TENM4: variants seen among roughly 807,000 people sequenced by gnomAD.
TENM4 encodes teneurin-4.
A neutral mutation model predicts 243.3 loss-of-function variants in TENM4; 82 were observed. The observed-to-expected ratio is 0.34, with a 90% CI of 0.28 to 0.40. The LOEUF (loss-of-function observed/expected upper bound fraction) is 0.40, where lower values mean the gene tolerates loss of function less well. TENM4 is among the 10% of genes least tolerant of loss of function. The pLI is 1.00. For missense variants in TENM4, 3,138 were observed against 3,673.3 expected (o/e 0.85, Z 3.77); for synonymous variants, 1,412 against 1,456.3 (o/e 0.97, Z 0.69).
chr11:79,307,406 G>A (rs7936476), intron 1 of TENM4, among the ~76,000 whole-genome samples: 27 of 152,102 alleles, frequency 1.8e-4, no homozygotes, highest in Admixed American at 9.2e-4. Flanking sequence ...TCCTGACACC[G>A]CTCTCTCCTG....
At chr11:79,015,477 A>AGTGT (rs113872101) in intron 6 of TENM4, among the ~76,000 whole-genome samples, 2,543 of 147,168 alleles carry the variant, frequency 0.017, 23 homozygotes, top group Middle Eastern at 0.06. Context: ...AAAGTCATTT[A>AGTGT]GTGTGTGTGT....
intron 4 of TENM4, among the ~76,000 whole-genome samples, chr11:79,100,931 C>T (rs1861215177): frequency 6.6e-6 from 1 of 152,184 alleles, no homozygotes; most frequent in Non-Finnish European, 1.5e-5. Context: ...GAAAAGGTCA[C>T]ACCAGACTGG....
intron 26 of TENM4, among the ~76,000 whole-genome samples, chr11:78,711,284 GT>G (rs895420239): frequency 2.6e-5 from 4 of 152,038 alleles, no homozygotes; most frequent in Non-Finnish European, 4.4e-5. Context: ...AGGAATCATC[GT>G]TTATGGGATG....
intron 3 of TENM4, among the ~76,000 whole-genome samples, chr11:79,188,960 T>A (rs781729653): frequency 7.9e-5 from 12 of 152,160 alleles, no homozygotes; most frequent in Non-Finnish European, 1.6e-4. Context: ...GAATTCCTAG[T>A]CCTCATGGAA....
chr11:79,272,171 A>G (rs926393653), intron 2 of TENM4, among the ~76,000 whole-genome samples: 2 of 151,872 alleles, frequency 1.3e-5, no homozygotes, highest in Non-Finnish European at 2.9e-5. Flanking sequence ...CCTGGATTCC[A>G]CTCTAGCATT....
intron 6 of TENM4, among the ~76,000 whole-genome samples, chr11:79,028,752 A>AATAGC: frequency 6.6e-6 from 1 of 152,216 alleles, no homozygotes; most frequent in Non-Finnish European, 1.5e-5. Flanking sequence ...TATAATCCTG[A>AATAGC]ATAGCAGAAG....
intron 6 of TENM4, among the ~76,000 whole-genome samples, chr11:79,004,802 G>A (rs1037305783): frequency 7.9e-5 from 12 of 151,948 alleles, no homozygotes; most frequent in African/African-American, 2.9e-4. Flanking sequence ...AAAGATCAAT[G>A]AATCCAGGAG....
chr11:79,303,511 C>A (rs1208301115), intron 1 of TENM4, among the ~76,000 whole-genome samples: 1 of 152,202 alleles, frequency 6.6e-6, no homozygotes, highest in African/African-American at 2.4e-5. Context: ...TACTGTGTGC[C>A]AGACATTGTC....
intron 6 of TENM4, among the ~76,000 whole-genome samples, chr11:79,008,025 T>C (rs1858538074): frequency 6.6e-6 from 1 of 152,176 alleles, no homozygotes; most frequent in Admixed American, 6.5e-5. Context: ...ATGGGATTTT[T>C]ATGAGGCCGC....
At chr11:78,955,899 C>T (rs1023093895) in intron 6 of TENM4, among the ~76,000 whole-genome samples, 9 of 152,132 alleles carry the variant, frequency 5.9e-5, no homozygotes, top group Non-Finnish European at 1.2e-4. Flanking sequence ...TAATGGTCTG[C>T]CCCAGGTGGA....
At chr11:78,995,597 G>C (rs945407292) in intron 6 of TENM4, among the ~76,000 whole-genome samples, 2 of 152,076 alleles carry the variant, frequency 1.3e-5, no homozygotes, top group Non-Finnish European at 2.9e-5. Flanking sequence ...CAGAAAAGTA[G>C]CAAATGCAGC....
intron 2 of TENM4, among the ~76,000 whole-genome samples, chr11:79,216,883 C>T (rs927337103): frequency 1.1e-4 from 17 of 152,216 alleles, no homozygotes; most frequent in Admixed American, 5.9e-4. Context: ...TGGAATGGGT[C>T]GATCTTCCTG....
chr11:78,750,484 C>A (rs1856164013), intron 19 of TENM4, among the ~76,000 whole-genome samples: 1 of 152,214 alleles, frequency 6.6e-6, no homozygotes. Context: ...TTGTTTTCAA[C>A]AGCAAACTTT....
At chr11:79,110,606 C>T (rs1861482087) in intron 4 of TENM4, among the ~76,000 whole-genome samples, 1 of 152,184 alleles carries the variant, frequency 6.6e-6, no homozygotes, top group Non-Finnish European at 1.5e-5. Flanking sequence ...CTCTGGAGTT[C>T]CTGGATCTGT....
intron 6 of TENM4, among the ~76,000 whole-genome samples, chr11:78,968,078 T>C (rs1338256261): frequency 2.0e-5 from 3 of 152,220 alleles, no homozygotes; most frequent in African/African-American, 7.2e-5. Context: ...TCTTGCTCTG[T>C]TAGTTCACTT....
chr11:78,841,114 A>G (rs910766813), intron 12 of TENM4, among the ~76,000 whole-genome samples: 2 of 152,160 alleles, frequency 1.3e-5, no homozygotes, highest in African/African-American at 2.4e-5. Context: ...ACTGTTCTCC[A>G]TATTTTACAA....
At position 78,657,922 on chromosome 11, in the gene TENM4, G is replaced by A. The variant is rs1273821983; in HGVS notation, c.*136C>T. On this transcript the variant is annotated 3_prime_UTR_variant, in exon 34 of 34. Coordinates refer to ENST00000278550, the MANE Select transcript of TENM4 (RefSeq NM_001098816.3). ...TTTCTTTTCTAAAAAAAAGGATGTT[G>A]CATGAGTTACAATGCAACCAGTATC... The A allele has an allele frequency of 7.4e-7, 1 of 1,349,254 alleles. No individual in the cohort carries two copies. The highest frequency in any genetic ancestry group is 1.1e-6 in the Non-Finnish European group (1 of 950,610). 83.6% of individuals were successfully genotyped at this position (1,349,254 alleles called of 1,614,324 possible).
chr11:79,350,222 A>G (rs887328730), intron 1 of TENM4, among the ~76,000 whole-genome samples: 2 of 152,024 alleles, frequency 1.3e-5, no homozygotes. Context: ...AAGGTCTCCA[A>G]CCTCCCAGAT....
intron 19 of TENM4, among the ~76,000 whole-genome samples, chr11:78,742,887 A>G (rs1855964573): frequency 6.6e-6 from 1 of 152,170 alleles, no homozygotes; most frequent in South Asian, 2.1e-4. Flanking sequence ...TGGTGGCAAG[A>G]GCACTAGGCT....
Sources: gnomAD v4.1 joint callset for allele counts (sites outside exome capture counted in the v4.1 genomes callset) on GRCh38, gnomAD v4.1.1 for gene constraint, MANE v1.5 for transcripts, NCBI Gene and HGNC (gene_info 2026-07-23, HGNC 2026-07-21) for gene names.